Variants in PAK5 observed in about 807,000 individuals in gnomAD.
PAK5 encodes serine/threonine-protein kinase PAK 5.
Under a neutral mutation model 65.9 loss-of-function variants are expected in PAK5, and 16 were observed. The observed-to-expected ratio is 0.24, with a 90% CI of 0.16 to 0.37. PAK5 has a LOEUF of 0.37. Among genes scored for constraint, PAK5 ranks in the 10% least tolerant of loss-of-function variants. The pLI, the probability that PAK5 is intolerant of heterozygous loss-of-function variation, is 1.00. For missense variants in PAK5, 785 were observed against 903.9 expected, an observed-to-expected ratio of 0.87 and a Z score of 1.69; for synonymous variants, 371 against 354.9, an observed-to-expected ratio of 1.05 and a Z score of -0.51.
intron 1 of PAK5, among the ~76,000 whole-genome samples, chr20:9,720,825 T>G (rs899795546): frequency 2.0e-5 from 3 of 152,014 alleles, no homozygotes; most frequent in African/African-American, 7.3e-5. Flanking sequence ...CTCAAAAACA[T>G]GTCAGGGGAA....
At chr20:9,596,221 A>G (rs1257380281) in intron 3 of PAK5, among the ~76,000 whole-genome samples, 1 of 152,194 alleles carries the variant, frequency 6.6e-6, no homozygotes, top group African/African-American at 2.4e-5. Context: ...CTGACCCAGG[A>G]TGCTGGAGCA....
chr20:9,612,228 GC>G (rs2046575651), intron 3 of PAK5, among the ~76,000 whole-genome samples: 2 of 152,292 alleles, frequency 1.3e-5, no homozygotes, highest in African/African-American at 4.8e-5. Context: ...TTCTCACTGG[GC>G]CCTGTCTGTT....
At chr20:9,640,079 A>T (rs1174653550) in intron 3 of PAK5, among the ~76,000 whole-genome samples, 1 of 152,018 alleles carries the variant, frequency 6.6e-6, no homozygotes, top group Non-Finnish European at 1.5e-5. Context: ...ATTATACTTT[A>T]AGTTTTAGGG....
chr20:9,577,286 G>T (rs2045901432), intron 4 of PAK5: 1 of 152,058 alleles, frequency 6.6e-6, no homozygotes, highest in Non-Finnish European at 1.5e-5. Flanking sequence ...TGCTAGCAGG[G>T]AAATTAAGTA....
intron 1 of PAK5, among the ~76,000 whole-genome samples, chr20:9,835,331 G>A (rs987011164): frequency 1.4e-4 from 22 of 152,204 alleles, no homozygotes; most frequent in Admixed American, 9.8e-4. Flanking sequence ...TGGGTCGGTG[G>A]GGAAGAGAGA....
At chr20:9,713,856 A>G (rs138225232) in intron 1 of PAK5, among the ~76,000 whole-genome samples, 5 of 152,146 alleles carry the variant, frequency 3.3e-5, no homozygotes, top group African/African-American at 1.2e-4. Context: ...CTGGAAAGGA[A>G]AGTGGGGAGC....
intron 1 of PAK5, among the ~76,000 whole-genome samples, chr20:9,802,502 T>C (rs1017902024): frequency 1.8e-4 from 27 of 152,246 alleles, no homozygotes; most frequent in African/African-American, 6.0e-4. Context: ...TTACCATTGA[T>C]TATCTGTTGG....
rs970347909 is a variant in PAK5 at position 9,801,391 on chromosome 20, G to T, written c.-162+37371C>A. On this transcript the variant is annotated intron_variant, in intron 1 of 9. Coordinates refer to ENST00000353224, the MANE Select transcript of PAK5 (RefSeq NM_177990.4). ...CTGTTTTATAGATTTTTTTTCCCAA[G>T]TGACTAATAAACTATCTAAGAAGTT... 6.6e-5 allele frequency among the ~76,000 whole-genome samples: 10 copies of T among 151,296 alleles called. No individual in the cohort carries two copies. In the South Asian group the frequency reaches 2.1e-3, roughly 32 times the overall value.
At chr20:9,568,048 T>A (rs144106023) in intron 4 of PAK5, among the ~76,000 whole-genome samples, 166 of 152,266 alleles carry the variant, frequency 1.1e-3, no homozygotes, top group African/African-American at 3.8e-3. Context: ...CGCTCAGCTA[T>A]AGTGGAGTGT....
Position 9,538,080 on chromosome 20 carries a change from G to T in PAK5, c.*1382C>A, listed in dbSNP as rs1461975298. On this transcript the variant is annotated 3_prime_UTR_variant, in exon 10 of 10. Transcript: ENST00000353224. ...ATTAATAGAAACTAATGATGACTATGTAGCTCTTCCAGAGTTTTAAAGGCA... is the reference window on the plus strand; with the variant it reads ...ATTAATAGAAACTAATGATGACTATTTAGCTCTTCCAGAGTTTTAAAGGCA... 4.3e-6 allele frequency: 1 copy of T among 233,048 alleles called. No individual in the cohort carries two copies. Among genetic ancestry groups the T allele is most frequent in the Admixed American group, 5.6e-5 (1 of 17,770 alleles). 14.4% of individuals were successfully genotyped at this position (233,048 alleles called of 1,614,324 possible).
At chr20:9,677,321 G>A (rs878877957) in intron 2 of PAK5, among the ~76,000 whole-genome samples, 4 of 152,190 alleles carry the variant, frequency 2.6e-5, no homozygotes, top group Middle Eastern at 3.4e-3. Context: ...TCGGCATAAC[G>A]CTCTGTCCTT....
At chr20:9,707,969 T>C (rs1459377151) in intron 2 of PAK5, among the ~76,000 whole-genome samples, 6 of 152,206 alleles carry the variant, frequency 3.9e-5, no homozygotes, top group Non-Finnish European at 1.5e-5. Flanking sequence ...GTTATGGGGC[T>C]ATTTGTTATA....
chr20:9,551,121 A>T (rs1471790555), intron 7 of PAK5, among the ~76,000 whole-genome samples: 1 of 152,186 alleles, frequency 6.6e-6, no homozygotes, highest in Non-Finnish European at 1.5e-5. Context: ...CATAAAAGGG[A>T]CAATTTTCTA....
At chr20:9,820,820 G>A (rs201278390) in intron 1 of PAK5, among the ~76,000 whole-genome samples, 1 of 151,762 alleles carries the variant, frequency 6.6e-6, no homozygotes, top group East Asian at 1.9e-4. Flanking sequence ...ACTGAATGGG[G>A]AGCCCTGAAA....
chr20:9,568,119 AGACGTT>A (rs2045713665), intron 4 of PAK5, among the ~76,000 whole-genome samples: 1 of 152,186 alleles, frequency 6.6e-6, no homozygotes, highest in African/African-American at 2.4e-5. Context: ...ACCTTGGCAA[AGACGTT>A]GGCTTTTGCT....
At chr20:9,740,200 C>T (rs2048436082) in intron 1 of PAK5, among the ~76,000 whole-genome samples, 1 of 152,154 alleles carries the variant, frequency 6.6e-6, no homozygotes, top group Non-Finnish European at 1.5e-5. Context: ...GATTAGTTGA[C>T]TGCTGGCAGA....
chr20:9,663,533 T>C (rs1392061088), intron 2 of PAK5, among the ~76,000 whole-genome samples: 4 of 152,186 alleles, frequency 2.6e-5, no homozygotes, highest in East Asian at 1.9e-4. Flanking sequence ...TTGGGTAAGT[T>C]TGTAGAACAG....
chr20:9,814,306 A>G (rs573211717), intron 1 of PAK5, among the ~76,000 whole-genome samples: 2 of 152,306 alleles, frequency 1.3e-5, no homozygotes, highest in East Asian at 3.9e-4. Flanking sequence ...GAGGTTTTTT[A>G]GCTGTTTGAG....
intron 6 of PAK5, among the ~76,000 whole-genome samples, chr20:9,559,545 T>C (rs2045561363): frequency 6.6e-6 from 1 of 152,150 alleles, no homozygotes; most frequent in South Asian, 2.1e-4. Flanking sequence ...GAGGATTGCC[T>C]GAGGTCAGGA....
Sources: allele counts gnomAD v4.1 joint callset (sites outside exome capture counted in the v4.1 genomes callset), GRCh38; gene constraint gnomAD v4.1.1; transcripts MANE v1.5; gene names NCBI Gene and HGNC (gene_info 2026-07-23, HGNC 2026-07-21).